Variants in SLC23A2 observed in about 807,000 individuals in gnomAD.
SLC23A2 encodes the protein solute carrier family 23 member 2.
In SLC23A2, 36 loss-of-function variants were observed where a neutral mutation model predicts 73.3. The observed-to-expected ratio is 0.49, with a 90% CI of 0.38 to 0.65. SLC23A2 has a LOEUF of 0.65. Among genes scored for constraint, SLC23A2 ranks in the 30% least tolerant of loss-of-function variants. SLC23A2 has a pLI of 0.00. For missense variants in SLC23A2, 507 were observed against 841.6 expected (o/e 0.60, Z 4.92); for synonymous variants, 343 against 327.3 (o/e 1.05, Z -0.52).
chr20:4,954,854 T>C (rs1396161191), intron 2 of SLC23A2, among the ~76,000 whole-genome samples: 1 of 152,072 alleles, frequency 6.6e-6, no homozygotes, highest in Non-Finnish European at 1.5e-5. Context: ...ATGAGATACA[T>C]AACCTGAATG....
intron 1 of SLC23A2, among the ~76,000 whole-genome samples, chr20:4,995,122 G>C (rs2087996783): frequency 6.6e-6 from 1 of 152,092 alleles, no homozygotes; most frequent in Admixed American, 6.6e-5. Context: ...TGGAGCTGGG[G>C]GTATGTATAT....
At chr20:4,913,295 TC>T (rs1932220534) in intron 3 of SLC23A2, among the ~76,000 whole-genome samples, 1 of 151,996 alleles carries the variant, frequency 6.6e-6, no homozygotes, top group Non-Finnish European at 1.5e-5. Context: ...TCGGTTAAGA[TC>T]CCTGCCCACA....
intron 2 of SLC23A2, among the ~76,000 whole-genome samples, chr20:4,961,297 G>T (rs772653306): frequency 4.6e-5 from 7 of 151,800 alleles, no homozygotes; most frequent in Admixed American, 1.3e-4. Flanking sequence ...TAGCCAGGAT[G>T]GTCTCGATCT....
At chr20:4,922,592 C>T (rs906207944) in intron 3 of SLC23A2, among the ~76,000 whole-genome samples, 1 of 151,978 alleles carries the variant, frequency 6.6e-6, no homozygotes, top group Non-Finnish European at 1.5e-5. Flanking sequence ...TTTGGGAGGC[C>T]GAGGCAGGAG....
At chr20:5,006,717 T>C (rs1055847934) in intron 1 of SLC23A2, among the ~76,000 whole-genome samples, 2 of 151,966 alleles carry the variant, frequency 1.3e-5, no homozygotes, top group African/African-American at 4.8e-5. Context: ...ATTTTTGTAA[T>C]TTTAGTAGAG....
chr20:4,989,707 T>G (rs1245010032), intron 1 of SLC23A2, among the ~76,000 whole-genome samples: 1 of 152,098 alleles, frequency 6.6e-6, no homozygotes, highest in Non-Finnish European at 1.5e-5. Flanking sequence ...AATAAAGTTT[T>G]GACTGCAACC....
chr20:4,882,665 A>G (rs1930937174), intron 9 of SLC23A2, among the ~76,000 whole-genome samples: 1 of 152,168 alleles, frequency 6.6e-6, no homozygotes, highest in Admixed American at 6.5e-5. Flanking sequence ...GGCAAATCAC[A>G]TTACGTCGTG....
At chr20:5,009,912 G>T (rs2088231047) in intron 1 of SLC23A2, among the ~76,000 whole-genome samples, 1 of 152,018 alleles carries the variant, frequency 6.6e-6, no homozygotes, top group Admixed American at 6.6e-5. Flanking sequence ...TGGCTAACGT[G>T]GTGAAACCCC....
chr20:4,977,137 T>G (rs911668009), intron 1 of SLC23A2, among the ~76,000 whole-genome samples: 4 of 152,138 alleles, frequency 2.6e-5, no homozygotes, highest in African/African-American at 9.7e-5. Flanking sequence ...GATAAAATAC[T>G]ACAGGGCCAC....
At chr20:4,942,015 AC>A (rs556867982) in intron 2 of SLC23A2, among the ~76,000 whole-genome samples, 96 of 152,276 alleles carry the variant, frequency 6.3e-4, no homozygotes, top group South Asian at 1.2e-3. Flanking sequence ...AACTAACTTA[AC>A]TACAAAAGAT....
At chr20:4,943,888 C>T (rs2087079650) in intron 2 of SLC23A2, among the ~76,000 whole-genome samples, 1 of 152,134 alleles carries the variant, frequency 6.6e-6, no homozygotes. Context: ...CACAAGGGAG[C>T]TGCACAGACA....
chr20:4,898,660 CAGGAGG>C (rs977448273), intron 6 of SLC23A2, among the ~76,000 whole-genome samples: 6 of 152,168 alleles, frequency 3.9e-5, no homozygotes, highest in Admixed American at 1.3e-4. Context: ...GACAAGCTTG[CAGGAGG>C]AGGTAGGAAG....
chr20:4,897,511 G>C (rs1489594707), intron 6 of SLC23A2, among the ~76,000 whole-genome samples: 1 of 152,148 alleles, frequency 6.6e-6, no homozygotes, highest in African/African-American at 2.4e-5. Context: ...CCCTCCTCCA[G>C]GCCACAGCTC....
intron 15 of SLC23A2, among the ~76,000 whole-genome samples, chr20:4,859,660 C>T (rs573918076): frequency 3.9e-5 from 6 of 152,076 alleles, no homozygotes; most frequent in East Asian, 3.9e-4. Context: ...CACCCTACAA[C>T]GAACTGTGAA....
intron 3 of SLC23A2, among the ~76,000 whole-genome samples, chr20:4,922,873 T>C (rs144463207): frequency 4.8e-4 from 72 of 150,362 alleles, no homozygotes; most frequent in African/African-American, 1.4e-3. Flanking sequence ...AAGTAAGAGA[T>C]GGCCAGAATG....
intron 2 of SLC23A2, among the ~76,000 whole-genome samples, chr20:4,964,048 C>T (rs148070741): frequency 0.019 from 2,869 of 151,434 alleles, 88 homozygotes; most frequent in African/African-American, 0.064. Flanking sequence ...ACTCTGTCGC[C>T]GAAGCTGGAG....
intron 3 of SLC23A2, among the ~76,000 whole-genome samples, chr20:4,926,113 G>C (rs1020817196): frequency 1.3e-5 from 2 of 152,194 alleles, no homozygotes; most frequent in Non-Finnish European, 2.9e-5. Context: ...AAGATGAGAA[G>C]TGGTCGGTTC....
rs1303099285 is a variant in SLC23A2 at position 4,862,429 on chromosome 20, T to G, written c.1487-344A>C. On this transcript the variant is annotated intron_variant, in intron 14 of 16. Transcript: ENST00000338244. The surrounding 1 kb of genome is among the most constrained non-coding windows in gnomAD (Gnocchi z 5.1). ...AATATCTGGTGCATGTCTCTGGTTA[T>G]TACAGCTAAATGGTGCAGAGATCAA... Among the ~76,000 whole-genome samples the G allele has an allele frequency of 1.3e-5, 2 of 152,244 alleles. No individual in the cohort carries two copies. Among genetic ancestry groups the G allele is most frequent in the Non-Finnish European group, 2.9e-5 (2 of 68,042 alleles).
In SLC23A2 at chr20:4,945,098, G is replaced by C. The variant is rs2087099237; in HGVS notation, c.-154-12382C>G. Among the ~76,000 whole-genome samples, 5 of 152,066 alleles carry C rather than the reference G, an allele frequency of 3.3e-5. No individual in the cohort carries two copies. The South Asian group carries it at 1.0e-3, about 32-fold the overall frequency. ...CCTAATACACAGAGTCCGACTTCAG[G>C]GAGTTTGCAATTCTGATGCTGATCC... On this transcript the variant is annotated intron_variant, in intron 2 of 16. Transcript: ENST00000338244.
Sources: gnomAD v4.1 joint callset for allele counts (sites outside exome capture counted in the v4.1 genomes callset) on GRCh38, gnomAD v4.1.1 for gene constraint, Gnocchi (gnomAD v3.1) non-coding constraint, MANE v1.5 for transcripts, NCBI Gene and HGNC (gene_info 2026-07-23, HGNC 2026-07-21) for gene names.